ADCK1: variants seen among roughly 807,000 people sequenced by gnomAD.
ADCK1 encodes the protein aarF domain containing kinase 1, also known as aarF domain-containing protein kinase 1.
Under a neutral mutation model 52.3 loss-of-function variants are expected in ADCK1, and 41 were observed. The observed-to-expected ratio is 0.78, with a 90% CI of 0.61 to 1.02. The LOEUF (loss-of-function observed/expected upper bound fraction) is 1.02. ADCK1 is among the 50% of genes least tolerant of loss of function. ADCK1 has a pLI of 0.00. For synonymous variants in ADCK1, 250 were observed against 274.6 expected (o/e 0.91, Z 0.89); for missense variants, 658 against 679.5 (o/e 0.97, Z 0.35).
rs1250184497 is a variant in ADCK1 at position 77,852,881 on chromosome 14, G to GTATATATA, written c.220-6194_220-6193insATATATAT. 4.7e-4 allele frequency among the ~76,000 whole-genome samples: 14 copies of GTATATATA among 29,606 alleles called. 1 individual carries two copies. The highest frequency in any genetic ancestry group is 1.3e-3 in the African/African-American group (8 of 6,280). 19.4% of individuals were successfully genotyped at this position (29,606 alleles called of 152,430 possible). A position where few individuals can be genotyped will look rare whatever the true frequency, so the allele number is the denominator to read the frequency against. Reference sequence around the variant, plus strand: ...TTTCAAGTTCACTAATCTTTTATGTGTGTATATATATATATATATATATAT... The same window carrying GTATATATA: ...TTTCAAGTTCACTAATCTTTTATGTGTATATATATGTATATATATATATATATATATAT... On this transcript the variant is annotated intron_variant, in intron 3 of 10. Coordinates refer to ENST00000238561, the MANE Select transcript of ADCK1 (RefSeq NM_020421.4).
intron 4 of ADCK1, among the ~76,000 whole-genome samples, chr14:77,873,716 C>T (rs541522187): frequency 6.6e-6 from 1 of 152,326 alleles, no homozygotes; most frequent in Non-Finnish European, 1.5e-5. Context: ...CTTCCCCCTT[C>T]ACTGGGCACT....
At chr14:77,912,834 C>T (rs961821687) in intron 7 of ADCK1, among the ~76,000 whole-genome samples, 1 of 152,170 alleles carries the variant, frequency 6.6e-6, no homozygotes, top group Non-Finnish European at 1.5e-5. Flanking sequence ...CCTCCTCACC[C>T]TACAGCATCC....
At chr14:77,932,283 G>T (rs1385320267) in intron 10 of ADCK1, among the ~76,000 whole-genome samples, 1 of 151,996 alleles carries the variant, frequency 6.6e-6, no homozygotes, top group Admixed American at 6.6e-5. Context: ...TCCTGACCTC[G>T]AGTGATCCAC....
At chr14:77,831,835 G>A (rs2081857410) in intron 3 of ADCK1, among the ~76,000 whole-genome samples, 1 of 152,220 alleles carries the variant, frequency 6.6e-6, no homozygotes, top group South Asian at 2.1e-4. Context: ...GTGGATATTG[G>A]TTGGAGGGGC....
chr14:77,828,950 A>T (rs1035827107), intron 3 of ADCK1, among the ~76,000 whole-genome samples: 3 of 151,408 alleles, frequency 2.0e-5, no homozygotes, highest in Non-Finnish European at 4.4e-5. Context: ...TTTATTGCTC[A>T]AATGGTTCCA....
intron 1 of ADCK1, among the ~76,000 whole-genome samples, chr14:77,803,197 G>C (rs1463181082): frequency 6.6e-6 from 1 of 152,086 alleles, no homozygotes; most frequent in Admixed American, 6.5e-5. Context: ...TCTTTTTTCA[G>C]TTTTGGGGGC....
intron 1 of ADCK1, among the ~76,000 whole-genome samples, chr14:77,814,060 G>C (rs139913644): frequency 6.8e-6 from 1 of 148,002 alleles, no homozygotes; most frequent in East Asian, 2.0e-4. Context: ...GAGCCACCAC[G>C]CCGAGCCTTA....
intron 1 of ADCK1, among the ~76,000 whole-genome samples, chr14:77,807,827 GA>G (rs1257460716): frequency 2.6e-5 from 4 of 151,962 alleles, no homozygotes; most frequent in Admixed American, 2.6e-4. Context: ...ATTTTTAGTA[GA>G]GATGAGGTTT....
At chr14:77,898,985 A>G (rs1342649495) in intron 5 of ADCK1, 115 bp from the exon 6 acceptor site, 3 of 1,386,688 alleles carry the variant, frequency 2.2e-6, no homozygotes, top group Non-Finnish European at 2.9e-6. Context: ...CAGAGGAGGG[A>G]TGGGCCCCAG....
intron 4 of ADCK1, among the ~76,000 whole-genome samples, 172 bp from the exon 5 acceptor site, chr14:77,886,919 C>A (rs1013968161): frequency 1.8e-5 from 1 of 54,588 alleles, no homozygotes; most frequent in Non-Finnish European, 4.6e-5. Context: ...CACACACACA[C>A]ACACACACAC....
intron 4 of ADCK1, among the ~76,000 whole-genome samples, chr14:77,877,225 A>G (rs1566692171): frequency 6.6e-6 from 1 of 152,206 alleles, no homozygotes; most frequent in Non-Finnish European, 1.5e-5. Context: ...AAAAACAAAC[A>G]AAAACACAAA....
At chr14:77,926,954 C>T (rs2084211773) in intron 9 of ADCK1, among the ~76,000 whole-genome samples, 1 of 152,210 alleles carries the variant, frequency 6.6e-6, no homozygotes, top group Admixed American at 6.5e-5. Flanking sequence ...CCCACTTAGA[C>T]TTGCCTGAAT....
At chr14:77,900,616 T>C (rs998752314) in intron 6 of ADCK1, 2 of 455,576 alleles carry the variant, frequency 4.4e-6, no homozygotes, top group Non-Finnish European at 8.8e-6. Flanking sequence ...AAAAAAGAAA[T>C]GGGACAGAAA....
chr14:77,900,210 C>G (rs1306319330), intron 6 of ADCK1, among the ~76,000 whole-genome samples: 1 of 152,154 alleles, frequency 6.6e-6, no homozygotes, highest in Admixed American at 6.5e-5. Flanking sequence ...ACACATGGCA[C>G]TTTACCTTGA....
chr14:77,821,380 C>T (rs569935408), intron 2 of ADCK1, among the ~76,000 whole-genome samples: 20 of 152,164 alleles, frequency 1.3e-4, no homozygotes, highest in African/African-American at 4.6e-4. Flanking sequence ...AAGCATATGT[C>T]GAATAGGATA....
At chr14:77,889,374 T>C (rs1028827872) in intron 5 of ADCK1, among the ~76,000 whole-genome samples, 3 of 152,234 alleles carry the variant, frequency 2.0e-5, no homozygotes, top group African/African-American at 7.2e-5. Context: ...CTTGTTGTAT[T>C]GTACTCACCT....
chr14:77,910,350 A>T (rs1379211630), intron 7 of ADCK1, among the ~76,000 whole-genome samples: 1 of 152,084 alleles, frequency 6.6e-6, no homozygotes, highest in Admixed American at 6.5e-5. Context: ...CTTGGCCAGT[A>T]ACACAAGTCA....
At chr14:77,816,072 G>C (rs1277806850) in intron 1 of ADCK1, among the ~76,000 whole-genome samples, 3 of 152,146 alleles carry the variant, frequency 2.0e-5, no homozygotes, top group Non-Finnish European at 4.4e-5. Flanking sequence ...CTCCCAGAGT[G>C]CTGGAATTAC....
chr14:77,914,358 G>C, intron 7 of ADCK1: 2 of 974,320 alleles, frequency 2.1e-6, no homozygotes, highest in Non-Finnish European at 2.4e-6. Flanking sequence ...CCGTGGCCTG[G>C]GTTCCACCTG....
Sources: gnomAD v4.1 joint callset for allele counts (sites outside exome capture counted in the v4.1 genomes callset) on GRCh38, gnomAD v4.1.1 for gene constraint, MANE v1.5 for transcripts, NCBI Gene and HGNC (gene_info 2026-07-23, HGNC 2026-07-21) for gene names.